DTNB: variants seen among roughly 807,000 people sequenced by gnomAD.
The protein encoded by DTNB is DTN-B.
A neutral mutation model predicts 90.7 loss-of-function variants in DTNB; 63 were observed. That is an observed-to-expected ratio of 0.69 (90% CI 0.57 to 0.86). The LOEUF (loss-of-function observed/expected upper bound fraction) is 0.86, where lower values mean the gene tolerates loss of function less well. Ranked by LOEUF, DTNB falls within the 40% of genes least tolerant of loss-of-function variation. The probability of loss-of-function intolerance (pLI) is 0.00; values close to 1 mark genes in which losing one functional copy is unlikely to be tolerated. For synonymous variants in DTNB, 277 were observed against 286.7 expected, an observed-to-expected ratio of 0.97 and a Z score of 0.34; for missense variants, 744 against 807.1, an observed-to-expected ratio of 0.92 and a Z score of 0.95.
chr2:25,414,265 T>C (rs2047330082), intron 16 of DTNB, among the ~76,000 whole-genome samples: 1 of 152,194 alleles, frequency 6.6e-6, no homozygotes, highest in Non-Finnish European at 1.5e-5. Context: ...TTTGTTTGTT[T>C]GTTTTTGGAG....
intron 3 of DTNB, among the ~76,000 whole-genome samples, chr2:25,635,634 T>C (rs2076964767): frequency 6.6e-6 from 1 of 152,112 alleles, no homozygotes; most frequent in African/African-American, 2.4e-5. Flanking sequence ...TGCAGGACTG[T>C]ACAGTAAAAG....
At chr2:25,465,466 A>G (rs1238780390) in intron 10 of DTNB, among the ~76,000 whole-genome samples, 1 of 152,176 alleles carries the variant, frequency 6.6e-6, no homozygotes, top group Non-Finnish European at 1.5e-5. Flanking sequence ...TTAAGCCTAA[A>G]ACTATTCTAT....
In DTNB at chr2:25,639,101, A is replaced by G. The variant is rs1299693475; in HGVS notation, c.68-7T>C. 6.4e-7 allele frequency: 1 copy of G among 1,567,896 alleles called. No homozygotes were observed. Among genetic ancestry groups the G allele is most frequent in the Non-Finnish European group, 8.7e-7 (1 of 1,152,396 alleles). On this transcript the variant is annotated splice_region_variant and splice_polypyrimidine_tract_variant and intron_variant, in intron 2 of 20. Coordinates refer to ENST00000406818, the MANE Select transcript of DTNB (RefSeq NM_021907.5). Reference sequence around the variant, plus strand: ...ACATCAAAATTCTGAGCACCTGAAAAAAGGCAAACAGAAATGCTCAACTAG... The same window carrying G: ...ACATCAAAATTCTGAGCACCTGAAAGAAGGCAAACAGAAATGCTCAACTAG...
chr2:25,627,548 A>C (rs1002023798), intron 4 of DTNB, among the ~76,000 whole-genome samples: 9 of 152,144 alleles, frequency 5.9e-5, no homozygotes, highest in African/African-American at 2.2e-4. Flanking sequence ...AAAGCCCCAT[A>C]ATCAAATTCA....
At chr2:25,548,004 T>C (rs745824852) in intron 8 of DTNB, among the ~76,000 whole-genome samples, 5 of 152,216 alleles carry the variant, frequency 3.3e-5, no homozygotes, top group Non-Finnish European at 5.9e-5. Context: ...CTGTACCCCA[T>C]ATCAGTTTTC....
chr2:25,552,754 C>T (rs1424567923), intron 8 of DTNB, among the ~76,000 whole-genome samples: 9 of 151,924 alleles, frequency 5.9e-5, no homozygotes, highest in African/African-American at 1.9e-4. Flanking sequence ...AGGTGCCCTC[C>T]GTCTACCACT....
intron 11 of DTNB, 131 bp downstream of exon 11, chr2:25,455,274 C>T (rs2059838644): frequency 1.2e-6 from 1 of 816,702 alleles, no homozygotes; most frequent in African/African-American, 1.7e-5. Context: ...TTAACTCTGC[C>T]AAACATAGCT....
At chr2:25,456,741 A>G (rs1351176052) in intron 10 of DTNB, among the ~76,000 whole-genome samples, 1 of 151,624 alleles carries the variant, frequency 6.6e-6, no homozygotes, top group African/African-American at 2.4e-5. Flanking sequence ...TAATTTTTGT[A>G]TTTTTAGTAG....
intron 7 of DTNB, 27 bp downstream of exon 7, chr2:25,580,694 G>A (rs1228191494): frequency 3.2e-6 from 5 of 1,584,254 alleles, no homozygotes; most frequent in Non-Finnish European, 4.3e-6. Context: ...ATAGCATGCG[G>A]AATTGAACAA....
intron 4 of DTNB, among the ~76,000 whole-genome samples, chr2:25,607,767 T>C (rs2067456053): frequency 1.3e-5 from 2 of 152,240 alleles, no homozygotes; most frequent in African/African-American, 4.8e-5. Context: ...GGGTGCATCT[T>C]ACTATGAAGA....
intron 9 of DTNB, among the ~76,000 whole-genome samples, chr2:25,496,842 C>CAAA (rs34608606): frequency 3.8e-5 from 4 of 106,200 alleles, no homozygotes; most frequent in South Asian, 2.8e-4. Flanking sequence ...GACTCTGTTT[C>CAAA]AAAAAAAAAA....
At chr2:25,588,371 T>G (rs549738062) in intron 6 of DTNB, among the ~76,000 whole-genome samples, 212 of 148,444 alleles carry the variant, frequency 1.4e-3, no homozygotes, top group African/African-American at 5.1e-3. Context: ...TCCGAGAACT[T>G]TTTTTTTTTT....
At chr2:25,498,928 T>C (rs1213153022) in intron 9 of DTNB, among the ~76,000 whole-genome samples, 3 of 141,998 alleles carry the variant, frequency 2.1e-5, no homozygotes, top group South Asian at 4.6e-4. Flanking sequence ...AATGAAAACA[T>C]ATCAAGGTCA....
intron 10 of DTNB, among the ~76,000 whole-genome samples, chr2:25,472,466 G>A (rs1189279481): frequency 6.6e-5 from 10 of 152,192 alleles, no homozygotes; most frequent in Non-Finnish European, 1.2e-4. Flanking sequence ...GGCTGGAAGG[G>A]CTGGCAAGGG....
At chr2:25,393,710 G>C (rs1455067894) in intron 16 of DTNB, among the ~76,000 whole-genome samples, 2 of 152,018 alleles carry the variant, frequency 1.3e-5, no homozygotes, top group Non-Finnish European at 2.9e-5. Context: ...ACCTCTATAA[G>C]GAAAACTATA....
intron 8 of DTNB, among the ~76,000 whole-genome samples, chr2:25,546,854 T>G (rs2082537330): frequency 6.6e-6 from 1 of 152,198 alleles, no homozygotes; most frequent in African/African-American, 2.4e-5. Context: ...TTTTTTTTTT[T>G]TTCTTTTTGG....
At chr2:25,417,162 C>T (rs1300525968) in intron 16 of DTNB, among the ~76,000 whole-genome samples, 3 of 152,134 alleles carry the variant, frequency 2.0e-5, no homozygotes, top group Non-Finnish European at 2.9e-5. Context: ...TACCAATTCA[C>T]GCTATGGACA....
At chr2:25,514,378 G>C (rs1206824792) in intron 9 of DTNB, among the ~76,000 whole-genome samples, 1 of 152,128 alleles carries the variant, frequency 6.6e-6, no homozygotes, top group East Asian at 1.9e-4. Flanking sequence ...AAAGTGGCAG[G>C]AAATAAAGTT....
At chr2:25,547,959 T>C (rs533569340) in intron 8 of DTNB, among the ~76,000 whole-genome samples, 9 of 152,360 alleles carry the variant, frequency 5.9e-5, no homozygotes, top group South Asian at 4.1e-4. Context: ...AAGTTGTTCA[T>C]AGTATTTTCT....
Sources: gnomAD v4.1 joint callset for allele counts (sites outside exome capture counted in the v4.1 genomes callset) on GRCh38, gnomAD v4.1.1 for gene constraint, MANE v1.5 for transcripts, NCBI Gene and HGNC (gene_info 2026-07-23, HGNC 2026-07-21) for gene names.